FHIP2A: variants seen among roughly 807,000 people sequenced by gnomAD.
FHIP2A encodes the protein family with sequence similarity 160 member B1.
FHIP2A carries 46 observed loss-of-function variants against 93.5 expected under a neutral mutation model. The observed-to-expected ratio is 0.49, with a 90% CI of 0.39 to 0.63. The LOEUF (loss-of-function observed/expected upper bound fraction) is 0.63, where lower values mean the gene tolerates loss of function less well. Ranked by LOEUF, FHIP2A falls within the 20% of genes least tolerant of loss-of-function variation. The pLI is 0.00. For missense variants in FHIP2A, 769 were observed against 909.7 expected (o/e 0.85, Z 1.99); for synonymous variants, 332 against 326.5 (o/e 1.02, Z -0.18).
In FHIP2A at chr10:114,855,245, C is replaced by G; in HGVS notation, c.1852C>G (p.Pro618Ala). ...CTTAAGATGGGAGTGGCCTGGGTCT[C>G]CAAAAGCATTGGAAAAGTGCAATTT... ...ICLRWEWPGS[P>A]KALEKCNLEA... The change falls in exon 14 of 17, where the codon CCA becomes GCA. Residue 618 changes from proline to alanine, a missense_variant. By Grantham distance (27) the Pro-to-Ala change is conservative (BLOSUM62 -1). Transcript: ENST00000369248. The G allele has an allele frequency of 6.2e-7, 1 of 1,614,018 alleles. No individual in the cohort carries two copies. The highest frequency in any genetic ancestry group is 8.5e-7 in the Non-Finnish European group (1 of 1,179,968).
chr10:114,847,074 A>G lies in FHIP2A; in HGVS notation c.1569-16A>G. 1.3e-6 allele frequency: 2 copies of G among 1,587,680 alleles called. No homozygotes were observed. ...AATAAAATAGTGCTTTTTATGTGTC[A>G]TTAAATTTAACTTAGAGATCTGGAA... On this transcript the variant is annotated splice_polypyrimidine_tract_variant and intron_variant, in intron 11 of 16. Transcript: ENST00000369248.
At chr10:114,895,130 G>A (rs560098509) in intron 16 of FHIP2A, among the ~76,000 whole-genome samples, 13 of 152,316 alleles carry the variant, frequency 8.5e-5, no homozygotes, top group Non-Finnish European at 1.8e-4. Context: ...GGGTTTGTTA[G>A]AAAGATTTTC....
At chr10:114,836,532 C>T (rs2083637915) in intron 5 of FHIP2A, among the ~76,000 whole-genome samples, 1 of 152,180 alleles carries the variant, frequency 6.6e-6, no homozygotes, top group Admixed American at 6.5e-5. Context: ...ATAGACAAGT[C>T]ACAGAAGTTG....
chr10:114,834,270 T>G (rs751939792), intron 3 of FHIP2A, among the ~76,000 whole-genome samples: 1 of 152,238 alleles, frequency 6.6e-6, no homozygotes, highest in Non-Finnish European at 1.5e-5. Flanking sequence ...TTATGTTTTT[T>G]AGGCAACACA....
chr10:114,890,680 GAC>G (rs1453396105), intron 16 of FHIP2A, among the ~76,000 whole-genome samples: 1 of 145,938 alleles, frequency 6.9e-6, no homozygotes, highest in Admixed American at 6.9e-5. Context: ...TACCGTATAT[GAC>G]ATATAGTATA....
At chr10:114,890,661 TA>T (rs1308931055) in intron 16 of FHIP2A, among the ~76,000 whole-genome samples, 2 of 147,618 alleles carry the variant, frequency 1.4e-5, no homozygotes, top group Non-Finnish European at 3.0e-5. Context: ...ATACGGTATA[TA>T]AAATATATAC....
Position 114,890,588 on chromosome 10 carries a change from C to T in FHIP2A, c.2193-8902C>T, listed in dbSNP as rs139949171. On this transcript the variant is annotated intron_variant, in intron 16 of 16. Coordinates refer to the FHIP2A transcript ENST00000369250. ...TGACATATATAGTATATAAAATATA[C>T]GCTATGACATATATAGTTTATAAAA... 6.2e-3 allele frequency among the ~76,000 whole-genome samples: 903 copies of T among 145,530 alleles called. 10 individuals carry two copies. The highest frequency in any genetic ancestry group is 0.02 in the African/African-American group (814 of 39,730).
chr10:114,838,025 T>TA (rs1171888490), intron 5 of FHIP2A, among the ~76,000 whole-genome samples: 1 of 152,200 alleles, frequency 6.6e-6, no homozygotes, highest in Non-Finnish European at 1.5e-5. Flanking sequence ...CTTGGATAAA[T>TA]ACCTAGGGTA....
intron 1 of FHIP2A, among the ~76,000 whole-genome samples, chr10:114,824,545 G>A (rs1182532168): frequency 6.6e-6 from 1 of 152,158 alleles, no homozygotes; most frequent in African/African-American, 2.4e-5. Flanking sequence ...ATCTTGATAG[G>A]AGGTTAAATC....
At chr10:114,890,741 T>C (rs1174654671) in intron 16 of FHIP2A, among the ~76,000 whole-genome samples, 1 of 148,374 alleles carries the variant, frequency 6.7e-6, no homozygotes, top group East Asian at 1.9e-4. Flanking sequence ...ATATATACTG[T>C]ATATGACATA....
chr10:114,825,260 G>T (rs1265522761), intron 1 of FHIP2A, among the ~76,000 whole-genome samples: 1 of 152,146 alleles, frequency 6.6e-6, no homozygotes, highest in Non-Finnish European at 1.5e-5. Flanking sequence ...TTTTGGGCTT[G>T]AGTGAGCCTC....
intron 7 of FHIP2A, 109 bp from the exon 8 acceptor site, chr10:114,845,258 G>A: frequency 1.6e-6 from 1 of 610,638 alleles, no homozygotes; most frequent in South Asian, 2.3e-5. Flanking sequence ...CTGTGTGAAT[G>A]TACCATACTA....
intron 16 of FHIP2A, among the ~76,000 whole-genome samples, chr10:114,889,156 T>A (rs961637928): frequency 2.6e-5 from 4 of 152,138 alleles, no homozygotes; most frequent in African/African-American, 2.4e-5. Context: ...GCCACCCGCA[T>A]CATTGCTAAT....
At chr10:114,857,326 T>TTTTTTTTTTTTTTTTTTA in intron 14 of FHIP2A, among the ~76,000 whole-genome samples, 1 of 150,098 alleles carries the variant, frequency 6.7e-6, no homozygotes, top group South Asian at 2.1e-4. Flanking sequence ...TTTTTTTTTT[T>TTTTTTTTTTTTTTTTTTA]CTGAGACCGA....
intron 16 of FHIP2A, among the ~76,000 whole-genome samples, chr10:114,878,765 G>C (rs1169989967): frequency 2.2e-5 from 3 of 134,842 alleles, no homozygotes; most frequent in Non-Finnish European, 4.7e-5. Flanking sequence ...GGGTGACAGA[G>C]ACTTCGCCTC....
intron 5 of FHIP2A, among the ~76,000 whole-genome samples, chr10:114,837,704 TCTC>T (rs2083644091): frequency 6.6e-6 from 1 of 152,172 alleles, no homozygotes; most frequent in Non-Finnish European, 1.5e-5. Flanking sequence ...AGTCATCCCT[TCTC>T]CACCCCTACG....
At chr10:114,828,853 G>T (rs1344613432) in intron 1 of FHIP2A, among the ~76,000 whole-genome samples, 8 of 151,890 alleles carry the variant, frequency 5.3e-5, no homozygotes, top group Non-Finnish European at 1.2e-4. Context: ...AACACAGTAC[G>T]ATTTACAGTG....
intron 16 of FHIP2A, among the ~76,000 whole-genome samples, chr10:114,896,924 G>T (rs1008417275): frequency 3.3e-5 from 5 of 152,108 alleles, no homozygotes; most frequent in Non-Finnish European, 7.3e-5. Flanking sequence ...TAAAGTAAAG[G>T]TTCCTCTTCA....
chr10:114,851,198 GC>G lies in FHIP2A; in HGVS notation c.1803+2463del, dbSNP rs578070902. On this transcript the variant is annotated intron_variant, in intron 13 of 16. Coordinates refer to ENST00000369248, the MANE Select transcript of FHIP2A (RefSeq NM_020940.4). ...CAAAGTGCTGGGATTACAGTTATGAGCCACTGCACCTGGCCAAAAGTTTTTA... is the reference window on the plus strand; with the variant it reads ...CAAAGTGCTGGGATTACAGTTATGAGCACTGCACCTGGCCAAAAGTTTTTA... Among the ~76,000 whole-genome samples, 52 of 152,284 alleles carry G rather than the reference GC, an allele frequency of 3.4e-4. 1 individual carries two copies. The highest frequency in any genetic ancestry group is 1.1e-3 in the African/African-American group (46 of 41,558).
Sources: gnomAD v4.1 joint callset for allele counts (sites outside exome capture counted in the v4.1 genomes callset) on GRCh38, gnomAD v4.1.1 for gene constraint, MANE v1.5 for transcripts, NCBI Gene and HGNC (gene_info 2026-07-23, HGNC 2026-07-21) for gene names.